TSG101: variants seen among roughly 807,000 people sequenced by gnomAD.
TSG101 encodes tumor susceptibility gene 101 protein.
A neutral mutation model predicts 48.5 loss-of-function variants in TSG101; 19 were observed. The observed-to-expected ratio is 0.39, with a 90% CI of 0.27 to 0.58. The LOEUF (loss-of-function observed/expected upper bound fraction) is 0.58. TSG101 is among the 20% of genes least tolerant of loss of function. The pLI is 0.55. For synonymous variants in TSG101, 174 were observed against 169.4 expected (o/e 1.03, Z -0.21); for missense variants, 365 against 484.4 (o/e 0.75, Z 2.31).
At chr11:18,512,548 C>T (rs545501748) in intron 4 of TSG101, among the ~76,000 whole-genome samples, 25 of 151,814 alleles carry the variant, frequency 1.6e-4, no homozygotes, top group Non-Finnish European at 3.4e-4. Flanking sequence ...TTTCTATTGT[C>T]TTTTTTTCCT....
chr11:18,521,512 G>A (rs1345739632), intron 1 of TSG101, among the ~76,000 whole-genome samples: 1 of 150,918 alleles, frequency 6.6e-6, no homozygotes, highest in Non-Finnish European at 1.5e-5. Flanking sequence ...GGGACTACAG[G>A]CATGCACCAT....
At chr11:18,486,395 C>T (rs1396239032) in intron 7 of TSG101, among the ~76,000 whole-genome samples, 5 of 152,366 alleles carry the variant, frequency 3.3e-5, no homozygotes, top group African/African-American at 1.2e-4. Context: ...ATCATCAACA[C>T]TATCACTGCT....
chr11:18,487,364 C>T (rs1041225350), intron 7 of TSG101, among the ~76,000 whole-genome samples: 4 of 152,000 alleles, frequency 2.6e-5, no homozygotes, highest in African/African-American at 9.7e-5. Flanking sequence ...CCTGGACTTG[C>T]TTTGGTTTCC....
At chr11:18,523,948 G>T (rs1172369012) in intron 1 of TSG101, among the ~76,000 whole-genome samples, 1 of 152,172 alleles carries the variant, frequency 6.6e-6, no homozygotes, top group African/African-American at 2.4e-5. Flanking sequence ...AAGCCACGAA[G>T]TCTGGCTGAT....
chr11:18,499,912 ACCCTACT>A (rs1849861894), intron 7 of TSG101, among the ~76,000 whole-genome samples: 3 of 152,034 alleles, frequency 2.0e-5, no homozygotes, highest in Non-Finnish European at 4.4e-5. Context: ...AACTATAGTC[ACCCTACT>A]CTGCTATCAA....
At chr11:18,484,133 C>T in intron 7 of TSG101, 61 bp from the exon 8 acceptor site, 1 of 1,559,298 alleles carries the variant, frequency 6.4e-7, no homozygotes, top group South Asian at 1.1e-5. Context: ...ATTTGTCTCA[C>T]AGGAACCTTC....
rs1216914430 is a variant in TSG101 at position 18,514,719 on chromosome 11, T to G, written c.316A>C (p.Asn106His). 1.9e-6 allele frequency: 3 copies of G among 1,590,494 alleles called. No homozygotes were observed. Residue 106 changes from asparagine to histidine, a missense_variant, in exon 4 of 10, where the codon AAT becomes CAT. Transcript: ENST00000251968. ...TIKTGKHVDANGKIYLPYLHE... is the reference protein window; with the variant it reads ...TIKTGKHVDAHGKIYLPYLHE... ...AGATAAGGAAGATATATCTTCCCAT[T>G]TGCATCAACATGCTTTCCTGTTTTA...
intron 4 of TSG101, chr11:18,510,909 T>C (rs2643866): frequency 0.35 from 52,769 of 150,946 alleles, 10,351 homozygotes; most frequent in Non-Finnish European, 0.45. Context: ...AGTGAGACCC[T>C]GTTTCAAAAA....
intron 1 of TSG101, among the ~76,000 whole-genome samples, chr11:18,523,692 G>A (rs1850319387): frequency 6.6e-6 from 1 of 152,094 alleles, no homozygotes; most frequent in Non-Finnish European, 1.5e-5. Flanking sequence ...AGTAGAGATG[G>A]GGTTTCACCA....
chr11:18,509,143 G>A (rs182478912), intron 5 of TSG101, among the ~76,000 whole-genome samples: 91 of 152,342 alleles, frequency 6.0e-4, no homozygotes, highest in African/African-American at 2.1e-3. Context: ...GAACGCTTCA[G>A]TTGACCTTAA....
At chr11:18,484,947 T>TC (rs1263814208) in intron 7 of TSG101, among the ~76,000 whole-genome samples, 1 of 144,888 alleles carries the variant, frequency 6.9e-6, no homozygotes, top group African/African-American at 2.6e-5. Flanking sequence ...TTTTTTTTTT[T>TC]TTTTTTTTTG....
intron 7 of TSG101, among the ~76,000 whole-genome samples, chr11:18,488,684 CTAA>C (rs886292088): frequency 2.0e-5 from 3 of 152,094 alleles, no homozygotes; most frequent in African/African-American, 7.2e-5. Context: ...AAGTTGCTCA[CTAA>C]TGTCTCTCAC....
At chr11:18,495,832 G>A (rs966775255) in intron 7 of TSG101, among the ~76,000 whole-genome samples, 6 of 151,902 alleles carry the variant, frequency 3.9e-5, no homozygotes, top group Non-Finnish European at 5.9e-5. Flanking sequence ...GCTGAGGCAG[G>A]AGAATGGCGT....
At chr11:18,518,330 C>T (rs1203563224) in intron 2 of TSG101, among the ~76,000 whole-genome samples, 8 of 152,148 alleles carry the variant, frequency 5.3e-5, no homozygotes, top group Admixed American at 1.3e-4. Flanking sequence ...TTTTCAAAGC[C>T]TTGGAAGCAA....
intron 7 of TSG101, among the ~76,000 whole-genome samples, chr11:18,501,965 G>A (rs192769778): frequency 4.8e-4 from 73 of 152,304 alleles, no homozygotes; most frequent in African/African-American, 1.7e-3. Context: ...AGGCAGATAT[G>A]GTGGTGCAGG....
At chr11:18,492,421 T>C (rs1463178104) in intron 7 of TSG101, among the ~76,000 whole-genome samples, 3 of 152,250 alleles carry the variant, frequency 2.0e-5, no homozygotes, top group Admixed American at 2.0e-4. Flanking sequence ...TTAAAGCTAT[T>C]ATATCTGGTC....
At chr11:18,506,388 T>C (rs1158301452) in intron 6 of TSG101, among the ~76,000 whole-genome samples, 2 of 93,814 alleles carry the variant, frequency 2.1e-5, no homozygotes, top group Non-Finnish European at 2.8e-5. Flanking sequence ...TACTCTCTTC[T>C]TTTAAAAAAA....
chr11:18,490,821 C>A (rs567687376), intron 7 of TSG101: 19 of 545,762 alleles, frequency 3.5e-5, no homozygotes, highest in South Asian at 2.5e-4. Context: ...TTGTAGGCAA[C>A]AGAGAGCAGA....
intron 7 of TSG101, among the ~76,000 whole-genome samples, chr11:18,484,892 A>C (rs1391595441): frequency 6.6e-6 from 1 of 150,646 alleles, no homozygotes; most frequent in Non-Finnish European, 1.5e-5. Flanking sequence ...TGATTATAAA[A>C]TACTACGTGA....
Sources: gnomAD v4.1 joint callset for allele counts (sites outside exome capture counted in the v4.1 genomes callset) on GRCh38, gnomAD v4.1.1 for gene constraint, MANE v1.5 for transcripts, NCBI Gene and HGNC (gene_info 2026-07-23, HGNC 2026-07-21) for gene names.